MIR2052HG: variants seen among roughly 807,000 people sequenced by gnomAD.
MIR2052HG encodes the protein MIR2052 host gene.
intron 2 of MIR2052HG, among the ~76,000 whole-genome samples, chr8:74,688,073 A>G (rs1481850051): frequency 6.6e-6 from 1 of 152,212 alleles, no homozygotes; most frequent in South Asian, 2.1e-4. Flanking sequence ...AAGAGAGAAC[A>G]TACTTTGGGC....
intron 4 of MIR2052HG, among the ~76,000 whole-genome samples, chr8:74,743,215 A>G (rs1809850641): frequency 6.6e-6 from 1 of 152,182 alleles, no homozygotes; most frequent in South Asian, 2.1e-4. Context: ...ATTGATTTTA[A>G]AGCATAGATA....
intron 2 of MIR2052HG, among the ~76,000 whole-genome samples, chr8:74,693,659 T>C (rs1404886132): frequency 6.6e-6 from 1 of 152,000 alleles, no homozygotes; most frequent in Non-Finnish European, 1.5e-5. Context: ...CTTTTGGCTG[T>C]GTGGGAGCTG....
At chr8:74,721,092 A>G (rs547932993) in intron 4 of MIR2052HG, among the ~76,000 whole-genome samples, 10 of 152,276 alleles carry the variant, frequency 6.6e-5, no homozygotes, top group African/African-American at 2.2e-4. Context: ...GACTCTGTTG[A>G]ACAGTCTAGG....
At chr8:74,667,868 A>G (rs934671807) in intron 2 of MIR2052HG, among the ~76,000 whole-genome samples, 7 of 152,146 alleles carry the variant, frequency 4.6e-5, no homozygotes, top group African/African-American at 1.4e-4. Context: ...GAGTGACTGT[A>G]TTAAGGGTTC....
At chr8:74,660,732 G>A (rs1808853559) in intron 2 of MIR2052HG, among the ~76,000 whole-genome samples, 1 of 152,114 alleles carries the variant, frequency 6.6e-6, no homozygotes, top group African/African-American at 2.4e-5. Flanking sequence ...GAGCGTTCAA[G>A]GGATGTGCCT....
At chr8:74,724,580 A>C (rs1020062966) in intron 4 of MIR2052HG, among the ~76,000 whole-genome samples, 1 of 152,196 alleles carries the variant, frequency 6.6e-6, no homozygotes, top group Non-Finnish European at 1.5e-5. Context: ...AACTCCTTTG[A>C]GCATGTTGCA....
At chr8:74,676,402 C>G (rs1457697071) in intron 2 of MIR2052HG, among the ~76,000 whole-genome samples, 1 of 151,682 alleles carries the variant, frequency 6.6e-6, no homozygotes, top group Non-Finnish European at 1.5e-5. Flanking sequence ...TTATCTTGCT[C>G]AGGAGGAAAA....
intron 4 of MIR2052HG, among the ~76,000 whole-genome samples, chr8:74,742,175 T>C (rs184942934): frequency 1.3e-5 from 2 of 152,338 alleles, no homozygotes; most frequent in East Asian, 3.9e-4. Flanking sequence ...CTCTGAACTA[T>C]GAACTAAATA....
At chr8:74,666,229 C>T (rs1435334472) in intron 2 of MIR2052HG, among the ~76,000 whole-genome samples, 3 of 151,984 alleles carry the variant, frequency 2.0e-5, no homozygotes, top group Non-Finnish European at 2.9e-5. Context: ...TCTTATAATC[C>T]GTTCCCCACA....
intron 5 of MIR2052HG, among the ~76,000 whole-genome samples, chr8:74,752,767 G>A (rs1809961098): frequency 6.6e-6 from 1 of 152,144 alleles, no homozygotes; most frequent in African/African-American, 2.4e-5. Flanking sequence ...ATGAGTCAAT[G>A]ATTAATTTTT....
intron 2 of MIR2052HG, among the ~76,000 whole-genome samples, chr8:74,633,036 T>C (rs1808536560): frequency 6.6e-6 from 1 of 151,830 alleles, no homozygotes. Flanking sequence ...TTTGTTTGTT[T>C]TGAGACAGGG....
chr8:74,704,144 T>A (rs1809385097), intron 4 of MIR2052HG, among the ~76,000 whole-genome samples: 1 of 152,018 alleles, frequency 6.6e-6, no homozygotes, highest in Admixed American at 6.6e-5. Flanking sequence ...TTTTCTAAAA[T>A]TTATTTCTTT....
intron 2 of MIR2052HG, among the ~76,000 whole-genome samples, chr8:74,625,061 A>C (rs1451840541): frequency 1.3e-5 from 2 of 151,868 alleles, no homozygotes; most frequent in Non-Finnish European, 2.9e-5. Flanking sequence ...ATGGAACCTG[A>C]ATACCTTTTT....
At chr8:74,629,315 G>A (rs971934523) in intron 2 of MIR2052HG, among the ~76,000 whole-genome samples, 50 of 151,910 alleles carry the variant, frequency 3.3e-4, no homozygotes, top group African/African-American at 1.1e-3. Context: ...GAAGCCAAAC[G>A]TTAAGAGCCA....
intron 2 of MIR2052HG, among the ~76,000 whole-genome samples, chr8:74,638,931 T>A (rs559946955): frequency 6.6e-6 from 1 of 152,038 alleles, no homozygotes; most frequent in East Asian, 1.9e-4. Flanking sequence ...GAGGACTGAG[T>A]CCTGGAGAAT....
intron 4 of MIR2052HG, chr8:74,705,644 G>A (rs1371193244): frequency 1.2e-5 from 2 of 170,106 alleles, no homozygotes. Context: ...GCAGAAAGAA[G>A]GGGGAAAAAA....
chr8:74,639,364 T>G, intron 2 of MIR2052HG, among the ~76,000 whole-genome samples: 1 of 152,350 alleles, frequency 6.6e-6, no homozygotes, highest in African/African-American at 2.4e-5. Flanking sequence ...TTTATACACC[T>G]TATATGATCT....
intron 2 of MIR2052HG, among the ~76,000 whole-genome samples, chr8:74,661,247 G>C (rs1440350059): frequency 6.6e-6 from 1 of 150,954 alleles, no homozygotes; most frequent in African/African-American, 2.4e-5. Context: ...TGTTGCCCAG[G>C]CTGGTGTGCT....
intron 2 of MIR2052HG, among the ~76,000 whole-genome samples, chr8:74,688,417 G>C (rs1020254899): frequency 2.0e-5 from 3 of 152,070 alleles, no homozygotes; most frequent in African/African-American, 7.2e-5. Context: ...TAATGTAAAA[G>C]ATATATCTGA....
Sources: allele counts gnomAD v4.1 joint callset (sites outside exome capture counted in the v4.1 genomes callset), GRCh38; gene constraint gnomAD v4.1.1; transcripts MANE v1.5; gene names NCBI Gene and HGNC (gene_info 2026-07-23, HGNC 2026-07-21).